MEGF9: variants seen among roughly 807,000 people sequenced by gnomAD.
The protein encoded by MEGF9 is multiple epidermal growth factor-like domains protein 9.
MEGF9 carries 6 observed loss-of-function variants against 46.8 expected under a neutral mutation model. That is an observed-to-expected ratio of 0.13 (90% CI 0.07 to 0.25). MEGF9 has a LOEUF of 0.25. Among genes scored for constraint, MEGF9 ranks in the 10% least tolerant of loss-of-function variants. MEGF9 has a pLI of 1.00. For missense variants in MEGF9, 683 were observed against 792.4 expected, an observed-to-expected ratio of 0.86 and a Z score of 1.66; for synonymous variants, 302 against 330.7, an observed-to-expected ratio of 0.91 and a Z score of 0.94.
intron 2 of MEGF9, among the ~76,000 whole-genome samples, chr9:120,624,409 G>C (rs867028781): frequency 6.6e-6 from 1 of 151,896 alleles, no homozygotes; most frequent in Non-Finnish European, 1.5e-5. Context: ...TGTATTTTTT[G>C]TGGAGACAGG....
intron 2 of MEGF9, among the ~76,000 whole-genome samples, chr9:120,632,931 G>T (rs1283840921): frequency 1.3e-5 from 2 of 152,146 alleles, no homozygotes; most frequent in Non-Finnish European, 2.9e-5. Flanking sequence ...TGCATCCCTA[G>T]TATAAATCCC....
chr9:120,643,353 GA>G (rs1189393105), intron 2 of MEGF9, among the ~76,000 whole-genome samples: 1 of 152,114 alleles, frequency 6.6e-6, no homozygotes, highest in Non-Finnish European at 1.5e-5. Context: ...CTACTAACAT[GA>G]GTCTTAGAAG....
At chr9:120,616,462 G>A (rs529193846) in intron 3 of MEGF9, among the ~76,000 whole-genome samples, 4 of 152,022 alleles carry the variant, frequency 2.6e-5, no homozygotes, top group South Asian at 2.1e-4. Context: ...GTCGGATCAC[G>A]AGGTCAGGAG....
At chr9:120,651,425 A>G (rs1347074624) in intron 2 of MEGF9, among the ~76,000 whole-genome samples, 1 of 152,118 alleles carries the variant, frequency 6.6e-6, no homozygotes, top group Non-Finnish European at 1.5e-5. Flanking sequence ...TTTAATTCCA[A>G]CTCTTTTACT....
intron 4 of MEGF9, 37 bp from the exon 5 acceptor site, chr9:120,608,047 T>C (rs374375617): frequency 2.6e-5 from 42 of 1,598,948 alleles, no homozygotes; most frequent in Non-Finnish European, 3.4e-5. Flanking sequence ...TAGTACAGTC[T>C]GAAGCTACAA....
At position 120,636,783 on chromosome 9, in the gene MEGF9, C is replaced by T. The variant is rs142527946; in HGVS notation, c.804-14028G>A. Among the ~76,000 whole-genome samples the T allele has an allele frequency of 1.6e-3, 248 of 151,728 alleles. 5 individuals are homozygous for T. The East Asian group carries it at 0.037, about 23-fold the overall frequency. ...CGCCCCATCTGAGAAGTGAGGAGCC[C>T]GTCCGCCCGGCAGCCGCCCCGTCTG... On this transcript the variant is annotated intron_variant, in intron 2 of 5. Transcript: ENST00000373930.
At chr9:120,650,585 G>A (rs1414713152) in intron 2 of MEGF9, among the ~76,000 whole-genome samples, 1 of 152,140 alleles carries the variant, frequency 6.6e-6, no homozygotes, top group African/African-American at 2.4e-5. Flanking sequence ...ACCCTCACTG[G>A]GGTGACTCCC....
Position 120,673,104 on chromosome 9 carries a change from G to A in MEGF9, c.602-13529C>T, listed in dbSNP as rs187970089. Among the ~76,000 whole-genome samples, 21 of 152,306 alleles carry A rather than the reference G, an allele frequency of 1.4e-4. No individual in the cohort carries two copies. In the East Asian group the frequency reaches 4.0e-3, roughly 29 times the overall value. ...TATTTCTATGTGTTATGAATGAACA[G>A]ATGGAATTTTTAAAATTTTAATACC... is the stretch of plus-strand genomic sequence containing the variant. On this transcript the variant is annotated intron_variant, in intron 1 of 5. Coordinates refer to ENST00000373930, the MANE Select transcript of MEGF9 (RefSeq NM_001080497.3).
intron 4 of MEGF9, among the ~76,000 whole-genome samples, chr9:120,609,046 C>T (rs185482970): frequency 6.6e-6 from 1 of 152,142 alleles, no homozygotes; most frequent in Admixed American, 6.5e-5. Flanking sequence ...TATGTTACTT[C>T]TCTAGAGAAA....
chr9:120,696,260 G>A (rs1309405407), intron 1 of MEGF9, among the ~76,000 whole-genome samples: 1 of 152,138 alleles, frequency 6.6e-6, no homozygotes, highest in Non-Finnish European at 1.5e-5. Context: ...GACCCCTATT[G>A]AAACTGAAGA....
At position 120,690,727 on chromosome 9, in the gene MEGF9, A is replaced by G. The variant is rs1375492697; in HGVS notation, c.601+23031T>C. ...TTGCCTGAGTTGTTTTCATAGTTGCAACTGACCCTCTGCTGGAGACCAAAA... is the reference window on the plus strand; with the variant it reads ...TTGCCTGAGTTGTTTTCATAGTTGCGACTGACCCTCTGCTGGAGACCAAAA... On this transcript the variant is annotated intron_variant, in intron 1 of 5. Transcript: ENST00000373930. 2.6e-5 allele frequency among the ~76,000 whole-genome samples: 4 copies of G among 152,260 alleles called. No individual in the cohort carries two copies. The East Asian group carries it at 7.7e-4, about 29-fold the overall frequency.
intron 2 of MEGF9, among the ~76,000 whole-genome samples, chr9:120,652,177 CACACAAAAAA>C (rs2043654132): frequency 7.1e-5 from 1 of 14,060 alleles, no homozygotes; most frequent in Admixed American, 1.0e-3. Context: ...CACACACACA[CACACAAAAAA>C]AAAAAAAAAA....
intron 2 of MEGF9, among the ~76,000 whole-genome samples, chr9:120,657,384 T>C (rs1435672308): frequency 6.6e-6 from 1 of 152,252 alleles, no homozygotes; most frequent in East Asian, 1.9e-4. Context: ...GCAGTAGAAT[T>C]ATGAATACAG....
intron 4 of MEGF9, among the ~76,000 whole-genome samples, chr9:120,611,482 G>T (rs1587972557): frequency 6.6e-6 from 1 of 152,196 alleles, no homozygotes; most frequent in Middle Eastern, 3.4e-3. Context: ...AGTGAAAAAA[G>T]CCAGACACAC....
intron 2 of MEGF9, among the ~76,000 whole-genome samples, chr9:120,629,932 CAA>C (rs1177937335): frequency 2.3e-4 from 23 of 102,220 alleles, no homozygotes; most frequent in Admixed American, 2.2e-4. Context: ...GACTCCGTCT[CAA>C]AAAAAAAAAA....
At chr9:120,684,979 C>A (rs7038110) in intron 1 of MEGF9, among the ~76,000 whole-genome samples, 3,598 of 152,150 alleles carry the variant, frequency 0.024, 151 homozygotes, top group African/African-American at 0.083. Flanking sequence ...GGACTACAGG[C>A]GCCCACCACC....
intron 2 of MEGF9, among the ~76,000 whole-genome samples, chr9:120,636,847 C>CT (rs2043578636): frequency 8.4e-6 from 1 of 119,394 alleles, no homozygotes; most frequent in South Asian, 3.9e-4. Context: ...GCCGCCCCGT[C>CT]TGGGGGGTGG....
intron 1 of MEGF9, 151 bp downstream of exon 1, chr9:120,713,607 G>A (rs768458609): frequency 4.5e-6 from 5 of 1,108,662 alleles, no homozygotes; most frequent in South Asian, 4.7e-5. Context: ...GGGCGGGAGG[G>A]AGACTAGCTG....
intron 1 of MEGF9, among the ~76,000 whole-genome samples, chr9:120,688,651 G>T (rs2043834994): frequency 6.6e-6 from 1 of 152,138 alleles, no homozygotes; most frequent in South Asian, 2.1e-4. Flanking sequence ...AAAACAGCAG[G>T]AAAGGGAGAC....
Sources: allele counts gnomAD v4.1 joint callset (sites outside exome capture counted in the v4.1 genomes callset), GRCh38; gene constraint gnomAD v4.1.1; transcripts MANE v1.5; gene names NCBI Gene and HGNC (gene_info 2026-07-23, HGNC 2026-07-21).